The following BAIAP2 variants were observed in gnomAD, a reference collection of about 807,000 sequenced individuals.
BAIAP2 encodes the protein BAR/IMD domain-containing adapter protein 2.
BAIAP2 carries 18 observed loss-of-function variants against 63.0 expected under a neutral mutation model. The ratio of observed to expected loss-of-function variants is 0.29; its 90% CI spans 0.20 to 0.42. BAIAP2 has a LOEUF of 0.42. BAIAP2 is among the 10% of genes least tolerant of loss of function. The pLI is 1.00. For synonymous variants in BAIAP2, 386 were observed against 307.6 expected, an observed-to-expected ratio of 1.25 and a Z score of -2.67; for missense variants, 610 against 734.3, an observed-to-expected ratio of 0.83 and a Z score of 1.96.
intron 3 of BAIAP2, among the ~76,000 whole-genome samples, chr17:81,070,799 G>T (rs2052490424): frequency 6.6e-6 from 1 of 152,236 alleles, no homozygotes. Flanking sequence ...CTGGGAGTGT[G>T]TGAGCAGATT....
At chr17:81,056,385 A>G (rs576197907) in intron 2 of BAIAP2, 14 of 152,304 alleles carry the variant, frequency 9.2e-5, no homozygotes, top group Admixed American at 4.6e-4. Flanking sequence ...CAGACTGACG[A>G]TGGCTTCCTT....
intron 13 of BAIAP2, chr17:81,109,049 C>A: frequency 6.6e-7 from 1 of 1,521,246 alleles, no homozygotes; most frequent in South Asian, 1.2e-5. Context: ...GCGCCTTCCC[C>A]CTGGTCTCGT....
At chr17:81,080,824 C>T (rs1418351245) in intron 3 of BAIAP2, among the ~76,000 whole-genome samples, 2 of 152,092 alleles carry the variant, frequency 1.3e-5, no homozygotes, top group African/African-American at 4.8e-5. Flanking sequence ...GGAGACCAGC[C>T]TGGGTGACAT....
intron 10 of BAIAP2, chr17:81,104,976 AGCAGGGATCTCCCCCCAACG>A (rs370537414): frequency 4.6e-5 from 16 of 346,228 alleles, no homozygotes; most frequent in South Asian, 1.7e-4. Flanking sequence ...TCCCCCCAAC[AGCAGGGATCTCCCCCCAACG>A]GCAGGGATCT....
chr17:81,070,925 G>A (rs902919418), intron 3 of BAIAP2, among the ~76,000 whole-genome samples: 1 of 152,162 alleles, frequency 6.6e-6, no homozygotes, highest in Non-Finnish European at 1.5e-5. Flanking sequence ...AGGACAGTGG[G>A]GGTGGATGAC....
chr17:81,064,817 T>C (rs1406402579), intron 3 of BAIAP2, among the ~76,000 whole-genome samples: 2 of 152,248 alleles, frequency 1.3e-5, no homozygotes, highest in Non-Finnish European at 2.9e-5. Context: ...GACTGTTTTT[T>C]CCCTGCAGTG....
intron 3 of BAIAP2, among the ~76,000 whole-genome samples, chr17:81,082,154 G>A (rs2054726124): frequency 6.6e-6 from 1 of 152,128 alleles, no homozygotes; most frequent in South Asian, 2.1e-4. Context: ...AGAGTGGGTA[G>A]CGGCATCCAG....
chr17:81,057,969 T>TGCGGGGGGGGGGGGGGGGGG lies in BAIAP2; in HGVS notation c.217+3_217+4insCGGGGGGGGGGGGGGGGGGG. 2.1e-6 allele frequency: 2 copies of TGCGGGGGGGGGGGGGGGGGG among 964,864 alleles called. No individual in the cohort carries two copies. Among genetic ancestry groups the TGCGGGGGGGGGGGGGGGGGG allele is most frequent in the Non-Finnish European group, 1.4e-6 (1 of 713,584 alleles). 59.8% of individuals were successfully genotyped at this position (964,864 alleles called of 1,614,324 possible). A position where few individuals can be genotyped will look rare whatever the true frequency, so the allele number is the denominator to read the frequency against. ...AGAGCCAGGGCTCCAAAGAACTCGG[T>TGCGGGGGGGGGGGGGGGGGG]GAGACCCCCCCCCCCCCCCCGCCTG... is the stretch of plus-strand genomic sequence containing the variant. On this transcript the variant is annotated splice_region_variant and intron_variant, in intron 3 of 13. Coordinates refer to ENST00000428708, the MANE Select transcript of BAIAP2 (RefSeq NM_001144888.2).
chr17:81,055,630 A>G (rs906288958), intron 2 of BAIAP2, among the ~76,000 whole-genome samples: 2 of 136,206 alleles, frequency 1.5e-5, no homozygotes, highest in African/African-American at 5.5e-5. Context: ...CAGTGGCGCT[A>G]TCTTGGCTCC....
chr17:81,114,462 G>A (rs1344644583), intron 13 of BAIAP2, among the ~76,000 whole-genome samples: 1 of 152,112 alleles, frequency 6.6e-6, no homozygotes, highest in African/African-American at 2.4e-5. Flanking sequence ...CCCAGGAAGG[G>A]CAAAGCTGCA....
intron 6 of BAIAP2, among the ~76,000 whole-genome samples, chr17:81,096,579 C>T (rs1168329938): frequency 1.3e-5 from 2 of 152,208 alleles, no homozygotes; most frequent in Non-Finnish European, 2.9e-5. Flanking sequence ...GGTGGGTGCT[C>T]ATCTCCAGGC....
intron 3 of BAIAP2, among the ~76,000 whole-genome samples, chr17:81,075,465 T>C (rs796075387): frequency 5.3e-5 from 8 of 150,046 alleles, no homozygotes; most frequent in African/African-American, 1.8e-4. Flanking sequence ...TCCGGTGGGC[T>C]CCCTTCCTGT....
rs199703361 is a variant in BAIAP2 at position 81,106,787 on chromosome 17, C to T, written c.1380C>T (p.Asp460=). 19 of 1,612,626 alleles carry T rather than the reference C, an allele frequency of 1.2e-5. No individual in the cohort carries two copies. Among genetic ancestry groups the T allele is most frequent in the Non-Finnish European group, 1.5e-5 (18 of 1,179,794 alleles). ...GCAGCAGCACGGGCAACCTCCTGGA[C>T]AAGGACGACCTGGCCATCCCACCCC... ...GKSSSTGNLL[D]KDDLAIPPPD... is the part of the protein sequence containing the mutation. The change falls in exon 12 of 14, where the codon GAC becomes GAT. Residue 460 remains aspartate (D), a synonymous_variant. Coordinates refer to ENST00000428708, the MANE Select transcript of BAIAP2 (RefSeq NM_001144888.2).
intron 1 of BAIAP2, among the ~76,000 whole-genome samples, chr17:81,041,394 T>C (rs1180723825): frequency 6.6e-6 from 1 of 152,132 alleles, no homozygotes; most frequent in African/African-American, 2.4e-5. Flanking sequence ...CGCGGCACCA[T>C]GAGATCTGAT....
chr17:81,099,888 T>G (rs778943577), intron 6 of BAIAP2, 40 bp from the exon 7 acceptor site: 1 of 1,601,990 alleles, frequency 6.2e-7, no homozygotes, highest in South Asian at 1.1e-5. Flanking sequence ...ACAGGCGTCC[T>G]TCCATCGCTG....
chr17:81,059,006 C>T (rs2050093881), intron 3 of BAIAP2, among the ~76,000 whole-genome samples: 1 of 152,210 alleles, frequency 6.6e-6, no homozygotes, highest in South Asian at 2.1e-4. Context: ...GGCTGGGACC[C>T]CAGGAACCCA....
chr17:81,066,451 T>C (rs1227742840), intron 3 of BAIAP2, among the ~76,000 whole-genome samples: 1 of 152,210 alleles, frequency 6.6e-6, no homozygotes, highest in African/African-American at 2.4e-5. Flanking sequence ...CACGCCTCGT[T>C]GTCCAGAGTG....
chr17:81,075,605 T>A (rs2053529384), intron 3 of BAIAP2, among the ~76,000 whole-genome samples: 1 of 152,204 alleles, frequency 6.6e-6, no homozygotes, highest in East Asian at 1.9e-4. Flanking sequence ...GGTGCTCCTT[T>A]GAGAGCGTCC....
At chr17:81,106,021 T>C in intron 10 of BAIAP2, 57 bp from the exon 11 acceptor site, 1 of 1,479,544 alleles carries the variant, frequency 6.8e-7, no homozygotes, top group Non-Finnish European at 9.2e-7. Flanking sequence ...TGGTGGTCGG[T>C]GGGGGATGGG....
Sources: gnomAD v4.1 joint callset for allele counts (sites outside exome capture counted in the v4.1 genomes callset) on GRCh38, gnomAD v4.1.1 for gene constraint, MANE v1.5 for transcripts, NCBI Gene and HGNC (gene_info 2026-07-23, HGNC 2026-07-21) for gene names.